The following TIAM2 variants were observed in gnomAD, a reference collection of about 807,000 sequenced individuals.
TIAM2 encodes the protein TIAM Rac1 associated GEF 2.
A neutral mutation model predicts 152.9 loss-of-function variants in TIAM2; 80 were observed. The ratio of observed to expected loss-of-function variants is 0.52; its 90% CI spans 0.44 to 0.63. The LOEUF is 0.63. Ranked by LOEUF, TIAM2 falls within the 30% of genes least tolerant of loss-of-function variation. The pLI, the probability that TIAM2 is intolerant of heterozygous loss-of-function variation, is 0.00. For missense variants in TIAM2, 1,965 were observed against 2,120.1 expected (o/e 0.93, Z 1.44); for synonymous variants, 804 against 838.0 (o/e 0.96, Z 0.70).
chr6:155,225,379 G>A (rs1384888897), intron 15 of TIAM2, among the ~76,000 whole-genome samples: 2 of 152,188 alleles, frequency 1.3e-5, no homozygotes, highest in East Asian at 1.9e-4. Context: ...TTTGAGCACC[G>A]AGGTCTTGAA....
chr6:155,183,118 G>A (rs1780949205), intron 13 of TIAM2, 119 bp from the exon 14 acceptor site: 2 of 1,321,234 alleles, frequency 1.5e-6, no homozygotes, highest in African/African-American at 2.9e-5. Context: ...TTTGAAGAAA[G>A]CAACAAACAA....
chr6:155,014,923 C>T (rs537060075), intron 1 of TIAM2, among the ~76,000 whole-genome samples: 20 of 152,114 alleles, frequency 1.3e-4, no homozygotes, highest in African/African-American at 4.8e-4. Context: ...ATGAGTTGTC[C>T]GTCAGGAGGC....
At chr6:155,169,069 C>T (rs1018610839) in intron 9 of TIAM2, among the ~76,000 whole-genome samples, 2 of 152,168 alleles carry the variant, frequency 1.3e-5, no homozygotes, top group Non-Finnish European at 2.9e-5. Flanking sequence ...GATCTTGGCT[C>T]ACTGCAAGCT....
chr6:155,249,822 T>A lies in TIAM2; in HGVS notation c.3833-29T>A, dbSNP rs371033624. The stretch of plus-strand genomic sequence containing the variant: ...TAGAATCTAAAACAAATAACAGTTA[T>A]GAAATAAATATGATTTCATATCTTG... On this transcript the variant is annotated intron_variant, in intron 20 of 26. Coordinates refer to ENST00000682666, the MANE Select transcript of TIAM2 (RefSeq NM_012454.4). 1.5e-5 allele frequency: 24 copies of A among 1,567,960 alleles called. No individual in the cohort carries two copies. In the African/African-American group the frequency reaches 2.4e-4, roughly 16 times the overall value.
At position 155,009,730 on chromosome 6, in the gene TIAM2, A is replaced by G. The variant is rs529791236; in HGVS notation, c.-209+14238A>G. Among the ~76,000 whole-genome samples, 319 of 152,308 alleles carry G rather than the reference A, an allele frequency of 2.1e-3. 1 individual carries two copies. Among genetic ancestry groups the G allele is most frequent in the Non-Finnish European group, 3.1e-3 (210 of 68,020 alleles). ...GAAATGGAAATTATATTAATTACGC[A>G]GTTGTAAGGGACAGAAGGCCCCTTG... On this transcript the variant is annotated intron_variant, in intron 1 of 26. Coordinates refer to ENST00000682666, the MANE Select transcript of TIAM2 (RefSeq NM_012454.4).
chr6:155,075,746 G>T (rs775431652), intron 1 of TIAM2, among the ~76,000 whole-genome samples: 24 of 152,270 alleles, frequency 1.6e-4, no homozygotes, highest in Non-Finnish European at 2.9e-4. Context: ...ATATTCGAAA[G>T]AATTTTGTGC....
intron 7 of TIAM2, among the ~76,000 whole-genome samples, chr6:155,163,135 G>A (rs1780318606): frequency 6.6e-6 from 1 of 152,156 alleles, no homozygotes; most frequent in Non-Finnish European, 1.5e-5. Context: ...AGCTTGGTGT[G>A]AAAGGCTAGG....
chr6:155,003,000 G>T (rs1285398939), intron 1 of TIAM2, among the ~76,000 whole-genome samples: 3 of 152,070 alleles, frequency 2.0e-5, no homozygotes, highest in East Asian at 1.9e-4. Context: ...AGCCATGCTT[G>T]TTTTATTTTT....
At chr6:155,133,634 A>G (rs1195464327) in intron 4 of TIAM2, among the ~76,000 whole-genome samples, 12 of 151,850 alleles carry the variant, frequency 7.9e-5, no homozygotes, top group Non-Finnish European at 5.9e-5. Context: ...GGCAACCACC[A>G]TTGTACTCTC....
At chr6:155,182,168 T>C in intron 12 of TIAM2, 58 bp from the exon 13 acceptor site, 1 of 1,420,090 alleles carries the variant, frequency 7.0e-7, no homozygotes, top group Non-Finnish European at 1.0e-6. Flanking sequence ...CCGGTGTGGT[T>C]GGAGAAATTC....
chr6:155,023,449 CGTCTAAATTT>C (rs1776538438), intron 1 of TIAM2, among the ~76,000 whole-genome samples: 1 of 152,078 alleles, frequency 6.6e-6, no homozygotes, highest in Non-Finnish European at 1.5e-5. Flanking sequence ...TTTTCGGCTG[CGTCTAAATTT>C]GTATGTTCTG....
chr6:155,237,726 CT>C (rs1782840130), intron 15 of TIAM2, among the ~76,000 whole-genome samples: 1 of 152,216 alleles, frequency 6.6e-6, no homozygotes, highest in South Asian at 2.1e-4. Flanking sequence ...GGCTCAAGCT[CT>C]GTGTTGGCTC....
intron 15 of TIAM2, among the ~76,000 whole-genome samples, chr6:155,226,536 A>G (rs1274351304): frequency 6.6e-6 from 1 of 152,040 alleles, no homozygotes; most frequent in Non-Finnish European, 1.5e-5. Context: ...ATGGTGGTGC[A>G]CGCCTGTAAT....
chr6:155,185,243 C>T (rs1254430684), intron 14 of TIAM2, among the ~76,000 whole-genome samples: 2 of 147,622 alleles, frequency 1.4e-5, no homozygotes, highest in Admixed American at 7.0e-5. Flanking sequence ...TCCCTTGCCT[C>T]AGCCTCTGAA....
intron 15 of TIAM2, chr6:155,217,001 C>G: frequency 7.8e-7 from 1 of 1,275,826 alleles, no homozygotes; most frequent in Middle Eastern, 2.2e-4. Context: ...CAACGTGTGT[C>G]TTACACATCT....
chr6:155,253,102 T>A (rs1783771152), intron 24 of TIAM2, 49 bp downstream of exon 24: 3 of 1,461,616 alleles, frequency 2.1e-6, no homozygotes, highest in Non-Finnish European at 2.9e-6. Context: ...TTAGTAGACT[T>A]AACTGTGGAA....
chr6:155,185,892 C>G (rs982562752), intron 14 of TIAM2, among the ~76,000 whole-genome samples: 1 of 152,166 alleles, frequency 6.6e-6, no homozygotes, highest in East Asian at 1.9e-4. Context: ...ATAGTGATGT[C>G]GCCTGTGCTG....
At chr6:155,216,986 A>G (rs1365870464) in intron 15 of TIAM2, 2 of 1,253,538 alleles carry the variant, frequency 1.6e-6, no homozygotes, top group Non-Finnish European at 1.0e-6. Context: ...GATGAGAGGG[A>G]GAGACAACGT....
chr6:155,111,859 A>G (rs1562319787), intron 2 of TIAM2, among the ~76,000 whole-genome samples: 1 of 152,098 alleles, frequency 6.6e-6, no homozygotes, highest in African/African-American at 2.4e-5. Flanking sequence ...TCCCCTTTAT[A>G]GTAAAACTCT....
Sources: allele counts gnomAD v4.1 joint callset (sites outside exome capture counted in the v4.1 genomes callset), GRCh38; gene constraint gnomAD v4.1.1; transcripts MANE v1.5; gene names NCBI Gene and HGNC (gene_info 2026-07-23, HGNC 2026-07-21).